CSMD1: variants seen among roughly 807,000 people sequenced by gnomAD.
CSMD1 encodes the protein CUB and Sushi multiple domains 1.
CSMD1 carries 213 observed loss-of-function variants against 417.5 expected under a neutral mutation model. That is an observed-to-expected ratio of 0.51 (90% confidence interval 0.46 to 0.57). CSMD1 has a LOEUF of 0.57. Ranked by LOEUF, CSMD1 falls within the 20% of genes least tolerant of loss-of-function variation. The probability of loss-of-function intolerance (pLI) is 0.00; values close to 1 mark genes in which losing one functional copy is unlikely to be tolerated. For synonymous variants in CSMD1, 2,862 were observed against 1,736.8 expected (o/e 1.65, Z -16.11); for missense variants, 6,923 against 4,529.7 (o/e 1.53, Z -15.17).
chr8:3,339,970 A>C (rs1807537427), intron 23 of CSMD1, among the ~76,000 whole-genome samples: 1 of 152,232 alleles, frequency 6.6e-6, no homozygotes, highest in Admixed American at 6.5e-5. Flanking sequence ...CTTACTATTC[A>C]GAAAACAGTA....
intron 5 of CSMD1, among the ~76,000 whole-genome samples, chr8:3,937,259 G>T (rs140374558): frequency 6.6e-6 from 1 of 151,762 alleles, no homozygotes; most frequent in African/African-American, 2.4e-5. Flanking sequence ...CAGCAGCAGG[G>T]TTAGAGAAGA....
chr8:4,003,325 G>A (rs1815847787), intron 4 of CSMD1, among the ~76,000 whole-genome samples: 1 of 151,976 alleles, frequency 6.6e-6, no homozygotes, highest in Non-Finnish European at 1.5e-5. Flanking sequence ...CCTGGGAGGT[G>A]GAGCTTGCAG....
chr8:3,851,284 G>A (rs890114906), intron 5 of CSMD1, among the ~76,000 whole-genome samples: 1 of 152,160 alleles, frequency 6.6e-6, no homozygotes. Context: ...AGTCTTTAGG[G>A]ACTGGTCTTT....
At chr8:3,313,215 A>C (rs1043224377) in intron 23 of CSMD1, among the ~76,000 whole-genome samples, 56 of 152,328 alleles carry the variant, frequency 3.7e-4, no homozygotes, top group Admixed American at 2.4e-3. Flanking sequence ...ATGGGCAAAG[A>C]CTTCATGTCT....
intron 10 of CSMD1, among the ~76,000 whole-genome samples, chr8:3,527,721 GA>G (rs1217894601): frequency 6.6e-6 from 1 of 152,154 alleles, no homozygotes; most frequent in Non-Finnish European, 1.5e-5. Context: ...CCACTGGTGG[GA>G]GGGGTGGGTG....
At chr8:4,708,470 T>G (rs1367480499) in intron 1 of CSMD1, among the ~76,000 whole-genome samples, 2 of 152,200 alleles carry the variant, frequency 1.3e-5, no homozygotes, top group African/African-American at 4.8e-5. Flanking sequence ...AATGAAAAAG[T>G]AATGGTTACC....
At chr8:4,175,670 A>G (rs1479402508) in intron 3 of CSMD1, among the ~76,000 whole-genome samples, 2 of 152,170 alleles carry the variant, frequency 1.3e-5, no homozygotes, top group Non-Finnish European at 2.9e-5. Context: ...AAAGGTAAAG[A>G]AACTACATAT....
rs533087044 is a variant in CSMD1, at chr8:3,692,605, G to T, written c.1009+15809C>A. Among the ~76,000 whole-genome samples the T allele has an allele frequency of 2.0e-5, 3 of 152,060 alleles. No homozygotes were observed. In the East Asian group the frequency reaches 5.8e-4, roughly 30 times the overall value. Reference sequence around the variant, plus strand: ...ATGTCACCACACACAGCTAATTTTTGTATTTTTCGTAGAGGTGGGGTTTCA... The same window carrying T: ...ATGTCACCACACACAGCTAATTTTTTTATTTTTCGTAGAGGTGGGGTTTCA... On this transcript the variant is annotated intron_variant, in intron 7 of 69. Coordinates refer to ENST00000635120, the MANE Select transcript of CSMD1 (RefSeq NM_033225.6).
chr8:3,248,291 C>A (rs1257387684), intron 26 of CSMD1, among the ~76,000 whole-genome samples: 1 of 141,496 alleles, frequency 7.1e-6, no homozygotes. Context: ...TTATCCAGGA[C>A]AGTACTGGCT....
At chr8:4,830,609 A>T (rs1029529219) in intron 1 of CSMD1, among the ~76,000 whole-genome samples, 1 of 152,250 alleles carries the variant, frequency 6.6e-6, no homozygotes, top group African/African-American at 2.4e-5. Context: ...GATACATAGA[A>T]CAAACTATGA....
chr8:4,566,352 G>C (rs1181890869), intron 2 of CSMD1, among the ~76,000 whole-genome samples: 1 of 151,922 alleles, frequency 6.6e-6, no homozygotes, highest in Non-Finnish European at 1.5e-5. Flanking sequence ...CCATGAAAAT[G>C]GTTTATAAGA....
chr8:3,890,149 G>C (rs1464527428), intron 5 of CSMD1, among the ~76,000 whole-genome samples: 2 of 152,118 alleles, frequency 1.3e-5, no homozygotes, highest in Non-Finnish European at 2.9e-5. Context: ...GTATGGACTA[G>C]TGCTTCTTTT....
At chr8:4,441,799 C>G (rs1798498941) in intron 2 of CSMD1, among the ~76,000 whole-genome samples, 1 of 151,948 alleles carries the variant, frequency 6.6e-6, no homozygotes, top group East Asian at 1.9e-4. Flanking sequence ...CAAGATAAAT[C>G]AAATAAGGTT....
chr8:4,698,535 G>C (rs553691142), intron 1 of CSMD1, among the ~76,000 whole-genome samples: 1 of 151,676 alleles, frequency 6.6e-6, no homozygotes. Context: ...CTACAGGGAA[G>C]TTTATTTTTG....
In CSMD1 at chr8:3,345,857, GATTT is replaced by G. The variant is rs140890818; in HGVS notation, c.3474+2131_3474+2134del. On this transcript the variant is annotated intron_variant, in intron 22 of 69. Transcript: ENST00000635120. ...AGTTTTACAGAAACTATACCCTGCA[GATTT>G]ATTTCCAAAATTAATTGCGTTTTCC... is the stretch of plus-strand genomic sequence containing the variant. 7.6e-3 allele frequency among the ~76,000 whole-genome samples: 1,163 copies of G among 152,266 alleles called. 5 individuals are homozygous for G. The highest frequency in any genetic ancestry group is 0.012 in the Non-Finnish European group (813 of 68,028).
intron 3 of CSMD1, among the ~76,000 whole-genome samples, chr8:4,128,942 G>A (rs989275365): frequency 6.6e-6 from 1 of 151,910 alleles, no homozygotes; most frequent in Admixed American, 6.5e-5. Context: ...CGGGCATGGT[G>A]GCATGTGCCT....
chr8:3,877,344 A>G (rs1805893237), intron 5 of CSMD1, among the ~76,000 whole-genome samples: 1 of 152,082 alleles, frequency 6.6e-6, no homozygotes, highest in Non-Finnish European at 1.5e-5. Flanking sequence ...ATGATGGGGG[A>G]GGCATGTGCT....
chr8:4,152,009 G>A (rs532395862), intron 3 of CSMD1, among the ~76,000 whole-genome samples: 1 of 152,192 alleles, frequency 6.6e-6, no homozygotes, highest in South Asian at 2.1e-4. Flanking sequence ...TCATTTTAAC[G>A]TAATCAATGT....
chr8:3,862,592 T>C (rs1040417170), intron 5 of CSMD1, among the ~76,000 whole-genome samples: 6 of 152,228 alleles, frequency 3.9e-5, no homozygotes, highest in African/African-American at 1.2e-4. Context: ...TAAGCTAGAA[T>C]TTGCTTATAC....
Sources: allele counts gnomAD v4.1 joint callset (sites outside exome capture counted in the v4.1 genomes callset), GRCh38; gene constraint gnomAD v4.1.1; transcripts MANE v1.5; gene names NCBI Gene and HGNC (gene_info 2026-07-23, HGNC 2026-07-21).